Variants in ADH4 observed in about 807,000 individuals in gnomAD.
ADH4 encodes the protein all-trans-retinol dehydrogenase [NAD(+)] ADH4.
ADH4 carries 31 observed loss-of-function variants against 35.2 expected under a neutral mutation model. The observed-to-expected ratio is 0.88, with a 90% CI of 0.66 to 1.19. The LOEUF is 1.19. Ranked by LOEUF, ADH4 falls within the 50% of genes most tolerant of loss-of-function variation. ADH4 has a pLI of 0.00. For missense variants in ADH4, 476 were observed against 458.3 expected, an observed-to-expected ratio of 1.04 and a Z score of -0.35; for synonymous variants, 171 against 160.2, an observed-to-expected ratio of 1.07 and a Z score of -0.51.
At chr4:99,136,972 G>C (rs1729454563) in intron 4 of ADH4, among the ~76,000 whole-genome samples, 1 of 151,546 alleles carries the variant, frequency 6.6e-6, no homozygotes, top group Non-Finnish European at 1.5e-5. Context: ...TTTTTAGACG[G>C]AGTTTTTGCT....
chr4:99,142,662 G>A lies in ADH4; in HGVS notation c.120+17C>T. On this transcript the variant is annotated intron_variant, in intron 2 of 8. Coordinates refer to ENST00000265512, the MANE Select transcript of ADH4 (RefSeq NM_000670.5). ...TGGGGCCCTGTCTGTTCCCACCCAA[G>A]GAAAGTCTCCACTTACCTGAATGCG... The A allele has an allele frequency of 1.3e-6, 2 of 1,519,264 alleles. No individual in the cohort carries two copies. The highest frequency in any genetic ancestry group is 2.4e-4 in the Middle Eastern group (1 of 4,220). 94.1% of individuals were successfully genotyped at this position (1,519,264 alleles called of 1,614,324 possible). A position where few individuals can be genotyped will look rare whatever the true frequency, so the allele number is the denominator to read the frequency against.
chr4:99,127,433 T>G, intron 6 of ADH4, 89 bp from the exon 7 acceptor site: 1 of 1,033,484 alleles, frequency 9.7e-7, no homozygotes, highest in Non-Finnish European at 1.4e-6. Flanking sequence ...TAGAAAAAAA[T>G]TAATCCAACT....
At chr4:99,128,799 T>C (rs540078344) in intron 6 of ADH4, among the ~76,000 whole-genome samples, 2 of 86,590 alleles carry the variant, frequency 2.3e-5, no homozygotes, top group Non-Finnish European at 4.5e-5. Flanking sequence ...TATAAATATA[T>C]AATTGTATTA....
At chr4:99,133,474 A>G (rs1185654170) in intron 5 of ADH4, 1 of 152,236 alleles carries the variant, frequency 6.6e-6, no homozygotes. Flanking sequence ...TTCTTCCCAG[A>G]AGTAAGTTAA....
chr4:99,140,639 GGGT>G (rs1729580485), intron 3 of ADH4, among the ~76,000 whole-genome samples: 1 of 151,178 alleles, frequency 6.6e-6, no homozygotes, highest in Non-Finnish European at 1.5e-5. Context: ...AGGCCGAGGT[GGGT>G]GGATCACCTG....
intron 5 of ADH4, among the ~76,000 whole-genome samples, chr4:99,132,972 T>G (rs1411084311): frequency 1.3e-5 from 2 of 152,192 alleles, no homozygotes; most frequent in African/African-American, 2.4e-5. Flanking sequence ...TTGCAAATAG[T>G]AAGAATATTG....
intron 8 of ADH4, among the ~76,000 whole-genome samples, chr4:99,125,149 C>G (rs1178399156): frequency 2.0e-5 from 3 of 152,214 alleles, no homozygotes; most frequent in African/African-American, 7.2e-5. Flanking sequence ...CCCATCCCCC[C>G]ACTTCCTTGC....
At chr4:99,137,190 C>T (rs1170724080) in intron 4 of ADH4, among the ~76,000 whole-genome samples, 6 of 151,642 alleles carry the variant, frequency 4.0e-5, no homozygotes, top group African/African-American at 7.3e-5. Flanking sequence ...TGCAGTGGCG[C>T]GATCTCAGCT....
chr4:99,126,865 T>A, intron 7 of ADH4, 133 bp from the exon 8 acceptor site: 1 of 749,648 alleles, frequency 1.3e-6, no homozygotes, highest in Non-Finnish European at 1.9e-6. Context: ...CTTCCATCTT[T>A]AATTTTCTGT....
At chr4:99,133,124 C>T (rs1489919188) in intron 5 of ADH4, among the ~76,000 whole-genome samples, 1 of 152,058 alleles carries the variant, frequency 6.6e-6, no homozygotes, top group African/African-American at 2.4e-5. Flanking sequence ...AGCAATGTAA[C>T]TAGTAGTTGG....
Position 99,124,354 on chromosome 4 carries a change from G to T in ADH4, c.*88C>A. On this transcript the variant is annotated 3_prime_UTR_variant, in exon 9 of 9. Coordinates refer to ENST00000265512, the MANE Select transcript of ADH4 (RefSeq NM_000670.5). ...ATGTAAATATTTGTTTAAACTCATGGCTTTCCTTGGTTCATCAAATCAGGT... is the reference window on the plus strand; with the variant it reads ...ATGTAAATATTTGTTTAAACTCATGTCTTTCCTTGGTTCATCAAATCAGGT... 1.1e-6 allele frequency: 1 copy of T among 933,282 alleles called. No homozygotes were observed. The highest frequency in any genetic ancestry group is 1.7e-6 in the Non-Finnish European group (1 of 598,108). The allele number at this position is 933,282 out of a possible 1,614,324, so 57.8% of individuals were successfully genotyped here. A position where few individuals can be genotyped will look rare whatever the true frequency, so the allele number is the denominator to read the frequency against.
chr4:99,134,697 T>A (rs1379114940), intron 5 of ADH4, among the ~76,000 whole-genome samples: 4 of 152,046 alleles, frequency 2.6e-5, no homozygotes, highest in South Asian at 4.1e-4. Flanking sequence ...CACAATTTTT[T>A]AAATTTTTTA....
At chr4:99,125,225 A>G (rs1056097966) in intron 8 of ADH4, among the ~76,000 whole-genome samples, 6 of 152,170 alleles carry the variant, frequency 3.9e-5, no homozygotes, top group Non-Finnish European at 7.4e-5. Context: ...TATGGTGGAC[A>G]CACCTGATGA....
chr4:99,140,376 G>C (rs35406734), intron 3 of ADH4, among the ~76,000 whole-genome samples: 31,953 of 151,986 alleles, frequency 0.21, 4,028 homozygotes, highest in Non-Finnish European at 0.28. Flanking sequence ...GAGTTCAAGA[G>C]CAGCCTGGCC....
chr4:99,127,407 G>A (rs1729134969), intron 6 of ADH4, 63 bp from the exon 7 acceptor site: 5 of 1,389,298 alleles, frequency 3.6e-6, no homozygotes, highest in Non-Finnish European at 4.9e-6. Flanking sequence ...CTCCAGTGTG[G>A]CAATGTACAA....
intron 5 of ADH4, among the ~76,000 whole-genome samples, chr4:99,134,526 G>T (rs547672801): frequency 1.4e-4 from 21 of 151,996 alleles, no homozygotes; most frequent in South Asian, 6.2e-4. Flanking sequence ...GAAGAGGATG[G>T]ACTGCATGGA....
rs1213073220 is a variant in ADH4 at position 99,126,718 on chromosome 4, C to T, written c.994G>A (p.Asp332Asn). ...GTFFGGWKSV[D>N]SIPKLVTDYK... is the part of the protein sequence containing the mutation. ...TCAGTGACCAGCTTTGGGATAGAATCTACACTTTTCCAACCTGTAATGTGG... is the reference window on the plus strand; with the variant it reads ...TCAGTGACCAGCTTTGGGATAGAATTTACACTTTTCCAACCTGTAATGTGG... The change falls in exon 8 of 9, where the codon GAT (aspartate) becomes AAT (asparagine). Residue 332 changes from aspartate (D) to asparagine (N), a missense_variant. Asp to Asn is a conservative substitution (Grantham distance 23). Coordinates refer to ENST00000265512, the MANE Select transcript of ADH4 (RefSeq NM_000670.5). The T allele has an allele frequency of 6.2e-7, 1 of 1,606,594 alleles. No homozygotes were observed. The highest frequency in any genetic ancestry group is 8.5e-7 in the Non-Finnish European group (1 of 1,174,546).
At chr4:99,130,003 C>T (rs1248976990) in intron 6 of ADH4, among the ~76,000 whole-genome samples, 1 of 152,136 alleles carries the variant, frequency 6.6e-6, no homozygotes, top group East Asian at 1.9e-4. Flanking sequence ...CTTTCCATTT[C>T]TGGTAACTGA....
chr4:99,127,238 C>T lies in ADH4; in HGVS notation c.950G>A (p.Gly317Asp), dbSNP rs1338797862. 2.5e-6 allele frequency: 4 copies of T among 1,610,722 alleles called. No individual in the cohort carries two copies. The highest frequency in any genetic ancestry group is 2.5e-6 in the Non-Finnish European group (3 of 1,178,296). Residue 317 changes from glycine (G) to aspartate (D), a missense_variant, in exon 7 of 9, where the codon GGC (glycine) becomes GAC (aspartate). Transcript: ENST00000265512. ...AAAGAATGTTCCATTTATAGTACGG[C>T]CGATTATTAGCTCCTCTGGAAAAAT... The part of the protein sequence containing the change: ...LTIFPEELII[G>D]RTINGTFFGG...
Sources: gnomAD v4.1 joint callset for allele counts (sites outside exome capture counted in the v4.1 genomes callset) on GRCh38, gnomAD v4.1.1 for gene constraint, MANE v1.5 for transcripts, NCBI Gene and HGNC (gene_info 2026-07-23, HGNC 2026-07-21) for gene names.